Variants in ATP6V0D2 observed in about 807,000 individuals in gnomAD.
ATP6V0D2 encodes the protein V-type proton ATPase subunit d 2.
ATP6V0D2 carries 40 observed loss-of-function variants against 40.0 expected under a neutral mutation model. The ratio of observed to expected loss-of-function variants is 1.00; its 90% CI spans 0.78 to 1.30. The LOEUF (loss-of-function observed/expected upper bound fraction) is 1.30, where lower values mean the gene tolerates loss of function less well. ATP6V0D2 is among the 50% of genes most tolerant of loss of function. The pLI is 0.00. For missense variants in ATP6V0D2, 470 were observed against 423.1 expected, an observed-to-expected ratio of 1.11 and a Z score of -0.97; for synonymous variants, 179 against 156.3, an observed-to-expected ratio of 1.15 and a Z score of -1.08.
Position 86,113,723 on chromosome 8 carries a change from C to T in ATP6V0D2, c.145C>T (p.Leu49Phe). Residue 49 changes from leucine to phenylalanine, a missense_variant, in exon 2 of 8, where the codon CTC becomes TTC. Leu to Phe is a conservative substitution (Grantham distance 22). Transcript: ENST00000285393. The stretch of plus-strand genomic sequence containing the variant: ...TTTAATTTCAGACCTGAAAATTCAT[C>T]TCCAGACTACTGATTATGGTAACTT... ...CETLEDLKIH[L>F]QTTDYGNFLA... is the part of the protein sequence containing the mutation. 3.7e-6 allele frequency: 6 copies of T among 1,604,974 alleles called. No individual in the cohort carries two copies. Among genetic ancestry groups the T allele is most frequent in the Non-Finnish European group, 5.1e-6 (6 of 1,175,278 alleles).
At chr8:86,113,647 T>A in intron 1 of ATP6V0D2, 62 bp from the exon 2 acceptor site, 2 of 1,422,212 alleles carry the variant, frequency 1.4e-6, no homozygotes, top group Non-Finnish European at 1.9e-6. Flanking sequence ...TCAACTAATG[T>A]TGAAAAAGCT....
chr8:86,109,382 G>C (rs1343574803), intron 1 of ATP6V0D2, among the ~76,000 whole-genome samples: 1 of 152,128 alleles, frequency 6.6e-6, no homozygotes, highest in Non-Finnish European at 1.5e-5. Flanking sequence ...CATCATCCCA[G>C]AGTGCATTTC....
chr8:86,105,057 G>A (rs11785427), intron 1 of ATP6V0D2, among the ~76,000 whole-genome samples: 2,063 of 152,212 alleles, frequency 0.014, 24 homozygotes, highest in South Asian at 0.028. Flanking sequence ...CTTCATTTAA[G>A]TCACTTCCTC....
intron 2 of ATP6V0D2, among the ~76,000 whole-genome samples, chr8:86,130,782 C>A (rs1286326215): frequency 1.3e-5 from 2 of 152,142 alleles, no homozygotes; most frequent in Admixed American, 1.3e-4. Flanking sequence ...ATATGCCCAG[C>A]TGCCTGCCTC....
chr8:86,125,161 G>A (rs138317385), intron 2 of ATP6V0D2, among the ~76,000 whole-genome samples: 45 of 152,226 alleles, frequency 3.0e-4, no homozygotes, highest in Middle Eastern at 6.8e-3. Context: ...AGGATGTTAA[G>A]GTAATGGATG....
intron 2 of ATP6V0D2, among the ~76,000 whole-genome samples, chr8:86,127,478 C>T (rs1323881641): frequency 6.6e-6 from 1 of 150,800 alleles, no homozygotes; most frequent in Non-Finnish European, 1.5e-5. Flanking sequence ...TTAATTGAGA[C>T]AGGGTCTTAT....
chr8:86,151,539 A>G lies in ATP6V0D2; in HGVS notation c.890A>G (p.Glu297Gly), dbSNP rs903267905. 1.2e-6 allele frequency: 2 copies of G among 1,603,430 alleles called. No homozygotes were observed. The highest frequency in any genetic ancestry group is 1.3e-5 in the African/African-American group (1 of 74,508). Reference protein sequence around the residue: ...KTLEDVFYEREVQMNVLAFNR... With the variant: ...KTLEDVFYERGVQMNVLAFNR... The stretch of plus-strand genomic sequence containing the variant: ...TTGGAGGACGTGTTTTACGAGCGTG[A>G]GGTATGATATAAGTGGAAATACTAT... The change falls in exon 7 of 8, where the codon GAG becomes GGG. Residue 297 changes from glutamate (E) to glycine (G), a missense_variant and splice_region_variant. Physicochemically the swap from Glu to Gly is moderately conservative, Grantham distance 98. Coordinates refer to ENST00000285393, the MANE Select transcript of ATP6V0D2 (RefSeq NM_152565.1).
At chr8:86,130,736 A>T (rs2130259657) in intron 2 of ATP6V0D2, among the ~76,000 whole-genome samples, 1 of 152,192 alleles carries the variant, frequency 6.6e-6, no homozygotes, top group Admixed American at 6.5e-5. Flanking sequence ...CCCAGAGTGA[A>T]GCCCTCCTTC....
chr8:86,148,988 A>T (rs531761392), intron 5 of ATP6V0D2, among the ~76,000 whole-genome samples: 1 of 135,306 alleles, frequency 7.4e-6, no homozygotes, highest in South Asian at 2.6e-4. Context: ...TTGAGGCTGC[A>T]GTGAGTCCTG....
intron 5 of ATP6V0D2, among the ~76,000 whole-genome samples, chr8:86,143,400 G>A (rs934039147): frequency 2.6e-5 from 4 of 152,190 alleles, no homozygotes; most frequent in Non-Finnish European, 5.9e-5. Flanking sequence ...AGGAGTAAAA[G>A]CATGGCTACT....
At chr8:86,119,054 C>G (rs919129886) in intron 2 of ATP6V0D2, among the ~76,000 whole-genome samples, 2 of 152,106 alleles carry the variant, frequency 1.3e-5, no homozygotes, top group African/African-American at 4.8e-5. Context: ...CCAATTTTAT[C>G]TGAATCAGAA....
In ATP6V0D2 at chr8:86,147,502, G is replaced by A. The variant is rs553044033; in HGVS notation, c.640-2610G>A. Among the ~76,000 whole-genome samples the A allele has an allele frequency of 2.6e-5, 4 of 152,226 alleles. No individual in the cohort carries two copies. In the East Asian group the frequency reaches 5.8e-4, roughly 22 times the overall value. ...CAGGAACTAAGTCACACTAACACCA[G>A]CCCATTCAGTCTCCTCTAATCAAAT... On this transcript the variant is annotated intron_variant, in intron 5 of 7. Transcript: ENST00000285393.
chr8:86,121,309 C>A (rs1290530240), intron 2 of ATP6V0D2, among the ~76,000 whole-genome samples: 2 of 152,118 alleles, frequency 1.3e-5, no homozygotes, highest in African/African-American at 4.8e-5. Context: ...GTGGCTCATG[C>A]CTGTAATCCC....
intron 2 of ATP6V0D2, among the ~76,000 whole-genome samples, chr8:86,115,175 C>T (rs112239198): frequency 1.8e-3 from 271 of 151,970 alleles, no homozygotes; most frequent in African/African-American, 6.3e-3. Flanking sequence ...AAGAGAAAGC[C>T]TGGAAAAATA....
At chr8:86,149,861 G>A (rs1291578626) in intron 5 of ATP6V0D2, among the ~76,000 whole-genome samples, 1 of 152,066 alleles carries the variant, frequency 6.6e-6, no homozygotes, top group Non-Finnish European at 1.5e-5. Flanking sequence ...GGGTGCCCGG[G>A]AAATAAATCT....
At chr8:86,104,844 A>AACACACACACAC (rs1376640050) in intron 1 of ATP6V0D2, among the ~76,000 whole-genome samples, 2 of 60,986 alleles carry the variant, frequency 3.3e-5, no homozygotes, top group Non-Finnish European at 6.8e-5. Context: ...TCCTGTTTAA[A>AACACACACACAC]ACACATACAC....
chr8:86,110,135 C>T (rs1009282980), intron 1 of ATP6V0D2, among the ~76,000 whole-genome samples: 1 of 152,140 alleles, frequency 6.6e-6, no homozygotes, highest in Non-Finnish European at 1.5e-5. Context: ...CATTCCTTTG[C>T]CCAGGCTGGG....
chr8:86,123,907 C>T (rs1586092724), intron 2 of ATP6V0D2, among the ~76,000 whole-genome samples: 1 of 152,148 alleles, frequency 6.6e-6, no homozygotes, highest in East Asian at 1.9e-4. Context: ...TTCCCCACAT[C>T]TTTAAATGAG....
At chr8:86,104,945 G>A (rs1199556409) in intron 1 of ATP6V0D2, among the ~76,000 whole-genome samples, 1 of 151,718 alleles carries the variant, frequency 6.6e-6, no homozygotes. Context: ...CACCTTGTAA[G>A]CCCTTCGTCA....
Sources: gnomAD v4.1 joint callset for allele counts (sites outside exome capture counted in the v4.1 genomes callset) on GRCh38, gnomAD v4.1.1 for gene constraint, MANE v1.5 for transcripts, NCBI Gene and HGNC (gene_info 2026-07-23, HGNC 2026-07-21) for gene names.